MTARC2: variants seen among roughly 807,000 people sequenced by gnomAD.
MTARC2 encodes the protein MOCO sulphurase C-terminal domain containing 2.
In MTARC2, 27 loss-of-function variants were observed where a neutral mutation model predicts 35.6. That is an observed-to-expected ratio of 0.76 (90% CI 0.56 to 1.04). The LOEUF is 1.04. Ranked by LOEUF, MTARC2 falls within the 50% of genes least tolerant of loss-of-function variation. The pLI is 0.00. For missense variants in MTARC2, 412 were observed against 432.5 expected (o/e 0.95, Z 0.42); for synonymous variants, 158 against 167.1 (o/e 0.95, Z 0.42).
At chr1:220,751,259 T>C (rs1671115819) in intron 1 of MTARC2, among the ~76,000 whole-genome samples, 1 of 152,196 alleles carries the variant, frequency 6.6e-6, no homozygotes, top group Non-Finnish European at 1.5e-5. Context: ...AAGCTCTTAG[T>C]ATACTTGTGA....
rs1054628173 is a variant in MTARC2, at chr1:220,748,548, C to T, written c.17C>T (p.Ser6Phe). 3.5e-6 allele frequency: 5 copies of T among 1,432,772 alleles called. No homozygotes were observed. Among genetic ancestry groups the T allele is most frequent in the Non-Finnish European group, 4.5e-6 (5 of 1,102,080 alleles). The allele number at this position is 1,432,772 out of a possible 1,614,324, so 88.8% of individuals were successfully genotyped here. A position where few individuals can be genotyped will look rare whatever the true frequency, so the allele number is the denominator to read the frequency against. Residue 6 changes from serine to phenylalanine, a missense_variant, in exon 1 of 8, where the codon TCC becomes TTC. Coordinates refer to ENST00000366913, the MANE Select transcript of MTARC2 (RefSeq NM_017898.5). Reference sequence around the variant, plus strand: ...CGCTCTGCCATGGGCGCTTCCAGCTCCTCCGCGCTGGCCCGCCTCGGCCTC... The same window carrying T: ...CGCTCTGCCATGGGCGCTTCCAGCTTCTCCGCGCTGGCCCGCCTCGGCCTC... MGASS[S>F]SALARLGLPA...
intron 1 of MTARC2, among the ~76,000 whole-genome samples, chr1:220,750,230 C>T (rs1215219519): frequency 6.6e-6 from 1 of 152,194 alleles, no homozygotes; most frequent in Non-Finnish European, 1.5e-5. Flanking sequence ...GAAAAGCCTT[C>T]CTATTACTGG....
intron 2 of MTARC2, among the ~76,000 whole-genome samples, chr1:220,760,183 G>C (rs80187086): frequency 0.013 from 2,035 of 152,208 alleles, 32 homozygotes; most frequent in East Asian, 0.06. Flanking sequence ...TCTTACTAGG[G>C]GCATTGCCCT....
chr1:220,755,694 G>C (rs1352699367), intron 2 of MTARC2, among the ~76,000 whole-genome samples: 1 of 152,106 alleles, frequency 6.6e-6, no homozygotes, highest in Non-Finnish European at 1.5e-5. Flanking sequence ...ACTCTGGATG[G>C]GTTGGTGTTC....
At chr1:220,772,666 A>G (rs1671775676) in intron 4 of MTARC2, among the ~76,000 whole-genome samples, 1 of 151,492 alleles carries the variant, frequency 6.6e-6, no homozygotes, top group South Asian at 2.1e-4. Flanking sequence ...CCAGTGAGAA[A>G]GAGGCACTCT....
At chr1:220,769,558 G>A (rs913230773) in intron 4 of MTARC2, among the ~76,000 whole-genome samples, 1 of 152,192 alleles carries the variant, frequency 6.6e-6, no homozygotes, top group East Asian at 1.9e-4. Context: ...TTCCAGGGGA[G>A]CAAAGTCGTA....
intron 4 of MTARC2, among the ~76,000 whole-genome samples, chr1:220,774,862 T>A (rs77826945): frequency 0.024 from 3,583 of 152,200 alleles, 107 homozygotes; most frequent in African/African-American, 0.064. Flanking sequence ...ACTATATAGG[T>A]AGAGATATAT....
intron 4 of MTARC2, among the ~76,000 whole-genome samples, chr1:220,764,590 C>A (rs1671531241): frequency 6.6e-6 from 1 of 151,900 alleles, no homozygotes; most frequent in Admixed American, 6.6e-5. Flanking sequence ...AGTTTGAGAC[C>A]AGCCTGGATA....
chr1:220,770,854 A>T (rs1020272952), intron 4 of MTARC2, among the ~76,000 whole-genome samples: 21 of 152,258 alleles, frequency 1.4e-4, no homozygotes, highest in African/African-American at 5.1e-4. Flanking sequence ...TGGAACACAC[A>T]GACGGCGTCA....
At chr1:220,763,827 G>A (rs1419103198) in intron 4 of MTARC2, among the ~76,000 whole-genome samples, 5 of 152,108 alleles carry the variant, frequency 3.3e-5, no homozygotes, top group South Asian at 4.1e-4. Flanking sequence ...TGATCTTTAC[G>A]ATAACCCTGT....
Position 220,755,024 on chromosome 1 carries a change from T to C in MTARC2, c.350T>C (p.Ile117Thr). 1 of 1,613,268 alleles carries C rather than the reference T, an allele frequency of 6.2e-7. No individual in the cohort carries two copies. Among genetic ancestry groups the C allele is most frequent in the Non-Finnish European group, 8.5e-7 (1 of 1,179,682 alleles). ...QEPRLVLISI[I>T]YENNCLIFRA... ...CCTCGCCTCGTGCTCATCTCCATCA[T>C]TTATGAGAATAACTGCCTGATCTTC... The change falls in exon 2 of 8, where the codon ATT (isoleucine) becomes ACT (threonine). Residue 117 changes from isoleucine (I) to threonine (T), a missense_variant. Transcript: ENST00000366913.
In MTARC2 at chr1:220,748,516, C is replaced by T; in HGVS notation, c.-16C>T. The T allele has an allele frequency of 7.2e-7, 1 of 1,384,480 alleles. No individual in the cohort carries two copies. The highest frequency in any genetic ancestry group is 2.6e-4 in the Middle Eastern group (1 of 3,782). 85.8% of individuals were successfully genotyped at this position (1,384,480 alleles called of 1,614,324 possible). ...GCCGGGTCTGTGCGCCGGTCCGCGC[C>T]CGCCCTCGCTCTGCCATGGGCGCTT... On this transcript the variant is annotated 5_prime_UTR_variant, in exon 1 of 8. Coordinates refer to ENST00000366913, the MANE Select transcript of MTARC2 (RefSeq NM_017898.5).
intron 1 of MTARC2, among the ~76,000 whole-genome samples, chr1:220,754,041 T>G (rs1195791001): frequency 6.6e-6 from 1 of 152,214 alleles, no homozygotes; most frequent in East Asian, 1.9e-4. Flanking sequence ...AGAGTGAGAC[T>G]CTGTCTCAAA....
intron 4 of MTARC2, among the ~76,000 whole-genome samples, chr1:220,767,754 C>T (rs947577871): frequency 6.6e-6 from 1 of 152,178 alleles, no homozygotes; most frequent in African/African-American, 2.4e-5. Context: ...TTATCTTTCA[C>T]TCAGGAAGTG....
chr1:220,751,346 A>T (rs1353069481), intron 1 of MTARC2, among the ~76,000 whole-genome samples: 1 of 152,202 alleles, frequency 6.6e-6, no homozygotes, highest in East Asian at 1.9e-4. Flanking sequence ...TGCCTGGTGC[A>T]GTTGCTGGGA....
chr1:220,771,011 T>C (rs918239318), intron 4 of MTARC2, among the ~76,000 whole-genome samples: 4 of 152,156 alleles, frequency 2.6e-5, no homozygotes, highest in Non-Finnish European at 4.4e-5. Context: ...AAAAAAGCCT[T>C]AGGCAGTCCA....
At chr1:220,778,204 C>T (rs1246463199) in intron 4 of MTARC2, among the ~76,000 whole-genome samples, 10 of 141,930 alleles carry the variant, frequency 7.0e-5, no homozygotes, top group Admixed American at 2.9e-4. Context: ...GCCGAGATTG[C>T]GCCACTGCAT....
At chr1:220,763,204 C>T (rs72472394) in intron 4 of MTARC2, among the ~76,000 whole-genome samples, 154 bp downstream of exon 4, 2,028 of 152,078 alleles carry the variant, frequency 0.013, 30 homozygotes, top group East Asian at 0.06. Flanking sequence ...AGTTGTTCAC[C>T]CATTGTTGCT....
chr1:220,771,393 G>A (rs1041938379), intron 4 of MTARC2, among the ~76,000 whole-genome samples: 5 of 150,776 alleles, frequency 3.3e-5, no homozygotes, highest in Non-Finnish European at 5.9e-5. Flanking sequence ...ATGCCTCCAG[G>A]CACATTTAAT....
Sources: gnomAD v4.1 joint callset for allele counts (sites outside exome capture counted in the v4.1 genomes callset) on GRCh38, gnomAD v4.1.1 for gene constraint, MANE v1.5 for transcripts, NCBI Gene and HGNC (gene_info 2026-07-23, HGNC 2026-07-21) for gene names.